Variants in SLC25A48 observed in about 807,000 individuals in gnomAD.
SLC25A48 encodes the protein CTC-321K16.1.
A neutral mutation model predicts 32.2 loss-of-function variants in SLC25A48; 29 were observed. The observed-to-expected ratio is 0.90, with a 90% CI of 0.67 to 1.23. The LOEUF (loss-of-function observed/expected upper bound fraction) is 1.23. Ranked by LOEUF, SLC25A48 falls within the 50% of genes most tolerant of loss-of-function variation. The probability of loss-of-function intolerance (pLI) is 0.00; values close to 1 mark genes in which losing one functional copy is unlikely to be tolerated. For synonymous variants in SLC25A48, 164 were observed against 172.3 expected, an observed-to-expected ratio of 0.95 and a Z score of 0.38; for missense variants, 399 against 422.7, an observed-to-expected ratio of 0.94 and a Z score of 0.49.
At chr5:135,791,672 TA>T (rs901338641) in intron 3 of SLC25A48, among the ~76,000 whole-genome samples, 4 of 151,670 alleles carry the variant, frequency 2.6e-5, no homozygotes, top group Non-Finnish European at 4.4e-5. Context: ...GGTAATATTA[TA>T]GGGGGATGTT....
At chr5:135,661,578 T>C (rs1450763507) in intron 3 of SLC25A48, among the ~76,000 whole-genome samples, 1 of 152,168 alleles carries the variant, frequency 6.6e-6, no homozygotes, top group Non-Finnish European at 1.5e-5. Context: ...CACATCACTG[T>C]ATAAAGCTAA....
At chr5:135,587,420 C>T (rs1751393605) in intron 1 of SLC25A48, among the ~76,000 whole-genome samples, 1 of 152,204 alleles carries the variant, frequency 6.6e-6, no homozygotes, top group African/African-American at 2.4e-5. Flanking sequence ...AAAATGTTCT[C>T]AGTCTCGTTT....
intron 4 of SLC25A48, among the ~76,000 whole-genome samples, chr5:135,820,609 G>A (rs1275460163): frequency 6.6e-6 from 1 of 152,060 alleles, no homozygotes; most frequent in Non-Finnish European, 1.5e-5. Context: ...TACAAAGAGA[G>A]ACAAAGAGAT....
intron 3 of SLC25A48, among the ~76,000 whole-genome samples, chr5:135,810,636 A>G (rs967609422): frequency 9.2e-5 from 14 of 152,180 alleles, no homozygotes; most frequent in African/African-American, 3.1e-4. Flanking sequence ...TCTGCCACAC[A>G]CAGCATGTGG....
intron 3 of SLC25A48, among the ~76,000 whole-genome samples, chr5:135,741,096 C>T (rs968370946): frequency 3.3e-5 from 5 of 152,194 alleles, no homozygotes; most frequent in African/African-American, 1.2e-4. Flanking sequence ...TCATCTCACT[C>T]AGTCTTCAGA....
chr5:135,728,857 C>T (rs1303567316), intron 3 of SLC25A48, among the ~76,000 whole-genome samples: 1 of 55,444 alleles, frequency 1.8e-5, no homozygotes, highest in Admixed American at 1.9e-4. Flanking sequence ...CACACACACA[C>T]ACACACACAC....
At chr5:135,611,826 C>T (rs1208255029) in intron 1 of SLC25A48, among the ~76,000 whole-genome samples, 2 of 152,214 alleles carry the variant, frequency 1.3e-5, no homozygotes, top group Non-Finnish European at 2.9e-5. Flanking sequence ...GAATGTTCCC[C>T]CTTATTCCAA....
chr5:135,752,232 A>T (rs77014794), intron 3 of SLC25A48, among the ~76,000 whole-genome samples: 2 of 152,322 alleles, frequency 1.3e-5, no homozygotes, highest in East Asian at 3.9e-4. Flanking sequence ...GAATAAAAGG[A>T]CAAGCTACAG....
chr5:135,840,114 G>GT (rs752747128), intron 1 of SLC25A48, among the ~76,000 whole-genome samples: 2 of 152,178 alleles, frequency 1.3e-5, no homozygotes, highest in Non-Finnish European at 1.5e-5. Context: ...GAGTGTGTGT[G>GT]TGTAGGTATT....
chr5:135,643,851 C>T (rs550523303), intron 3 of SLC25A48, among the ~76,000 whole-genome samples: 28 of 152,264 alleles, frequency 1.8e-4, no homozygotes, highest in African/African-American at 6.5e-4. Context: ...CCCAACAATG[C>T]CATGTGTTTA....
chr5:135,579,197 C>T, upstream of SLC25A48: 2 of 294,912 alleles, frequency 6.8e-6, no homozygotes, highest in South Asian at 1.3e-4. Context: ...CGCGCACACG[C>T]ACACACACAT....
At chr5:135,700,233 C>G (rs1212459851) in intron 3 of SLC25A48, among the ~76,000 whole-genome samples, 2 of 151,472 alleles carry the variant, frequency 1.3e-5, no homozygotes, top group Admixed American at 6.6e-5. Context: ...TCAGCCGGGT[C>G]TGGTGGCGTG....
chr5:135,645,508 G>A (rs1278429845), intron 3 of SLC25A48, among the ~76,000 whole-genome samples: 1 of 148,916 alleles, frequency 6.7e-6, no homozygotes, highest in Non-Finnish European at 1.5e-5. Context: ...CCTGACACAT[G>A]TGTTGAGTTC....
intron 4 of SLC25A48, among the ~76,000 whole-genome samples, chr5:135,870,285 G>T (rs1429085543): frequency 6.6e-6 from 1 of 152,184 alleles, no homozygotes; most frequent in Non-Finnish European, 1.5e-5. Context: ...ATTTCCTGGA[G>T]AAGGGAAAGT....
At chr5:135,611,195 C>T (rs73789291) in intron 1 of SLC25A48, among the ~76,000 whole-genome samples, 17,120 of 152,102 alleles carry the variant, frequency 0.11, 1,160 homozygotes, top group African/African-American at 0.19. Context: ...GTAAATGCTA[C>T]GGTGCAAAGA....
At chr5:135,760,485 G>A (rs1030259684) in intron 3 of SLC25A48, among the ~76,000 whole-genome samples, 1 of 152,186 alleles carries the variant, frequency 6.6e-6, no homozygotes, top group Admixed American at 6.5e-5. Flanking sequence ...GGAGGGGAAG[G>A]CAGAGCCTTA....
intron 3 of SLC25A48, among the ~76,000 whole-genome samples, chr5:135,658,436 G>A (rs918189696): frequency 1.5e-4 from 23 of 152,312 alleles, no homozygotes; most frequent in African/African-American, 5.5e-4. Flanking sequence ...GCACTGCAGG[G>A]TATAGCCCTC....
At chr5:135,871,362 G>C in intron 4 of SLC25A48, 99 bp from the exon 5 acceptor site, 3 of 1,405,702 alleles carry the variant, frequency 2.1e-6, no homozygotes, top group South Asian at 1.4e-5. Context: ...GGCTACATGA[G>C]AGGGAACTGT....
At chr5:135,883,347 G>GGA (rs1479492295) in intron 7 of SLC25A48, 5 of 985,324 alleles carry the variant, frequency 5.1e-6, no homozygotes, top group Non-Finnish European at 1.2e-6. Flanking sequence ...AAACAAAACT[G>GGA]GAGTAAAATA....
Sources: allele counts gnomAD v4.1 joint callset (sites outside exome capture counted in the v4.1 genomes callset), GRCh38; gene constraint gnomAD v4.1.1; transcripts MANE v1.5; gene names NCBI Gene and HGNC (gene_info 2026-07-23, HGNC 2026-07-21).